Variants in CEP164 observed in about 807,000 individuals in gnomAD.
CEP164 encodes centrosomal protein 164.
A neutral mutation model predicts 182.7 loss-of-function variants in CEP164; 162 were observed. The observed-to-expected ratio is 0.89, with a 90% CI of 0.78 to 1.01. The LOEUF (loss-of-function observed/expected upper bound fraction) is 1.01. CEP164 is among the 50% of genes least tolerant of loss of function. CEP164 has a pLI of 0.00. For synonymous variants in CEP164, 661 were observed against 690.0 expected (o/e 0.96, Z 0.66); for missense variants, 1,735 against 1,790.4 (o/e 0.97, Z 0.56).
chr11:117,331,647 T>G (rs951914090), intron 1 of CEP164, among the ~76,000 whole-genome samples: 1 of 152,184 alleles, frequency 6.6e-6, no homozygotes, highest in Admixed American at 6.6e-5. Flanking sequence ...CTTTGACCAC[T>G]ATGCCGCCTG....
intron 4 of CEP164, among the ~76,000 whole-genome samples, chr11:117,345,095 TATTCATGAATAGGTTCAC>T (rs1388005458): frequency 3.9e-5 from 6 of 152,374 alleles, no homozygotes; most frequent in Non-Finnish European, 5.9e-5. Context: ...TGATGTAACC[TATTCATGAATAGGTTCAC>T]ATTCATGGAT....
At chr11:117,392,181 C>T in intron 17 of CEP164, 45 bp from the exon 18 acceptor site, 2 of 1,494,382 alleles carry the variant, frequency 1.3e-6, no homozygotes, top group Non-Finnish European at 1.8e-6. Context: ...CCACCATGAT[C>T]AGTACCTGGC....
chr11:117,404,766 C>G (rs1383874848), intron 27 of CEP164, among the ~76,000 whole-genome samples: 1 of 152,184 alleles, frequency 6.6e-6, no homozygotes, highest in African/African-American at 2.4e-5. Context: ...TGCCCCTTCC[C>G]CCAGGTGCTC....
rs867569469 is a variant in CEP164 at position 117,356,679 on chromosome 11, T to C, written c.393+4691T>C. The stretch of plus-strand genomic sequence containing the variant: ...CTTGGCAGGGAGGGAGCAGGTGGAG[T>C]TGATGTCTTACCACAGCCATCAGGC... On this transcript the variant is annotated intron_variant, in intron 5 of 32. Coordinates refer to ENST00000278935, the MANE Select transcript of CEP164 (RefSeq NM_014956.5). 125 of 1,210,780 alleles carry C rather than the reference T, an allele frequency of 1.0e-4. No individual in the cohort carries two copies. The African/African-American group carries it at 1.7e-3, about 17-fold the overall frequency. The allele number at this position is 1,210,780 out of a possible 1,614,324, so 75.0% of individuals were successfully genotyped here.
intron 27 of CEP164, among the ~76,000 whole-genome samples, chr11:117,407,253 G>T (rs988038411): frequency 6.6e-6 from 1 of 151,976 alleles, no homozygotes. Context: ...TGCTGCCCAC[G>T]ACCCTGTCAT....
rs552188962 is a variant in CEP164, at chr11:117,342,664, C to T, written c.83-1502C>T. Among the ~76,000 whole-genome samples, 5 of 151,290 alleles carry T rather than the reference C, an allele frequency of 3.3e-5. No homozygotes were observed. The South Asian group carries it at 8.4e-4, about 25-fold the overall frequency. ...CTACTTTTTGTATTTTTTATATAGA[C>T]GAGGTTTCTCCATGTTGCCCAAGCT... On this transcript the variant is annotated intron_variant, in intron 3 of 32. Coordinates refer to ENST00000278935, the MANE Select transcript of CEP164 (RefSeq NM_014956.5).
At position 117,382,921 on chromosome 11, in the gene CEP164, C is replaced by T. The variant is rs752334538; in HGVS notation, c.1703C>T (p.Thr568Ile). 1.6e-5 allele frequency: 25 copies of T among 1,608,858 alleles called. No homozygotes were observed. Among genetic ancestry groups the T allele is most frequent in the Admixed American group, 1.0e-4 (6 of 59,822 alleles). ...DPEEKVAVSP[T>I]PPVSPEVRST... ...GAGGAGAAGGTGGCGGTCAGCCCCA[C>T]CCCGCCAGTCTCTCCAGAGGTGTAA... The change falls in exon 14 of 33, where the codon ACC (threonine) becomes ATC (isoleucine). Residue 568 changes from threonine to isoleucine, a missense_variant. Transcript: ENST00000278935.
At chr11:117,351,679 A>G (rs1177250314) in intron 4 of CEP164, 111 bp from the exon 5 acceptor site, 2 of 923,862 alleles carry the variant, frequency 2.2e-6, no homozygotes, top group Non-Finnish European at 3.3e-6. Flanking sequence ...TTTCCACCCC[A>G]CTCTCTTCCT....
intron 30 of CEP164, 180 bp from the exon 31 acceptor site, chr11:117,410,648 T>G: frequency 3.8e-6 from 2 of 525,382 alleles, no homozygotes; most frequent in East Asian, 5.8e-5. Context: ...TAACCCAAAT[T>G]GAAAAGTAGA....
intron 8 of CEP164, among the ~76,000 whole-genome samples, chr11:117,368,496 G>A (rs555502781): frequency 1.3e-5 from 2 of 152,114 alleles, no homozygotes; most frequent in African/African-American, 2.4e-5. Flanking sequence ...CTTTGCCCTC[G>A]CATCTAAGGT....
Position 117,409,923 on chromosome 11 carries a change from G to A in CEP164, c.4054G>A (p.Val1352Met). Residue 1352 changes from valine to methionine, a missense_variant, in exon 30 of 33, where the codon GTG becomes ATG. Transcript: ENST00000278935. The surrounding 1 kb of genome is among the most constrained non-coding windows in gnomAD (Gnocchi z 4.4). ...GCTCCCCTCCTCTGTGGCTCAAACGGTGGACGACTTCCTGTTGGAGAAGTG... is the reference window on the plus strand; with the variant it reads ...GCTCCCCTCCTCTGTGGCTCAAACGATGGACGACTTCCTGTTGGAGAAGTG... ...PRLPSSVAQTVDDFLLEKWRK... is the reference protein window; with the variant it reads ...PRLPSSVAQTMDDFLLEKWRK... 1 of 1,614,192 alleles carries A rather than the reference G, an allele frequency of 6.2e-7. No homozygotes were observed. The highest frequency in any genetic ancestry group is 1.1e-5 in the South Asian group (1 of 91,086).
At chr11:117,356,820 A>G (rs2040352373) in intron 5 of CEP164, among the ~76,000 whole-genome samples, 4 of 152,222 alleles carry the variant, frequency 2.6e-5, no homozygotes, top group African/African-American at 7.2e-5. Context: ...CCTGCAAGAT[A>G]GGGCTGAGGG....
rs766687766 is a variant in CEP164 at position 117,393,004 on chromosome 11, C to T, written c.2494C>T (p.Leu832Phe). The change falls in exon 20 of 33, where the codon CTC becomes TTC. Residue 832 changes from leucine to phenylalanine, a missense_variant and splice_region_variant. Leu to Phe is a conservative substitution (Grantham distance 22, BLOSUM62 0). Transcript: ENST00000278935. ...SYHVAGYEHE[L>F]SSLLREKRQE... ...CACATCCCTGCCATCTCCCCTGCAG[C>T]TCAGCAGTCTCCTGCGAGAGAAGCG... 35 of 1,612,986 alleles carry T rather than the reference C, an allele frequency of 2.2e-5. No homozygotes were observed. The highest frequency in any genetic ancestry group is 3.0e-5 in the Non-Finnish European group (35 of 1,179,714).
intron 2 of CEP164, among the ~76,000 whole-genome samples, chr11:117,337,680 G>A (rs1014486802): frequency 6.6e-6 from 1 of 151,790 alleles, no homozygotes; most frequent in African/African-American, 2.4e-5. Flanking sequence ...TTATCATCTC[G>A]CCCCTGGGCA....
At chr11:117,347,412 A>T (rs1268662996) in intron 4 of CEP164, among the ~76,000 whole-genome samples, 3 of 152,182 alleles carry the variant, frequency 2.0e-5, no homozygotes, top group African/African-American at 7.2e-5. Flanking sequence ...ATTTTAGAAT[A>T]GCTTGTCAGT....
At chr11:117,353,644 G>A (rs657666) in intron 5 of CEP164, among the ~76,000 whole-genome samples, 32,958 of 152,078 alleles carry the variant, frequency 0.22, 3,734 homozygotes, top group African/African-American at 0.27. Context: ...GCCCTGGGCT[G>A]TCAGTCTGGT....
chr11:117,377,779 G>A (rs891172760), intron 11 of CEP164, among the ~76,000 whole-genome samples: 6 of 152,070 alleles, frequency 3.9e-5, no homozygotes, highest in Non-Finnish European at 5.9e-5. Context: ...AAGTTTTACC[G>A]TATTATATAC....
intron 5 of CEP164, chr11:117,359,368 G>C (rs1464033075): frequency 3.6e-5 from 34 of 953,136 alleles, no homozygotes; most frequent in Admixed American, 1.8e-4. Flanking sequence ...TTTAGCCAGT[G>C]CACTGCTGGC....
At chr11:117,331,981 A>AATATATATATATATATATATAT (rs56696952) in intron 1 of CEP164, among the ~76,000 whole-genome samples, 1 of 142,286 alleles carries the variant, frequency 7.0e-6, no homozygotes, top group African/African-American at 2.6e-5. Flanking sequence ...ATGCCTGGCT[A>AATATATATATATATATATATAT]ATATATATAT....
Sources: allele counts gnomAD v4.1 joint callset (sites outside exome capture counted in the v4.1 genomes callset), GRCh38; gene constraint gnomAD v4.1.1; non-coding constraint Gnocchi (gnomAD v3.1); transcripts MANE v1.5; gene names NCBI Gene and HGNC (gene_info 2026-07-23, HGNC 2026-07-21).